The following CDH9 variants were observed in gnomAD, a reference collection of about 807,000 sequenced individuals.
The protein encoded by CDH9 is cadherin 9.
A neutral mutation model predicts 70.9 loss-of-function variants in CDH9; 28 were observed. The observed-to-expected ratio is 0.40, with a 90% CI of 0.29 to 0.54. The LOEUF (loss-of-function observed/expected upper bound fraction) is 0.54. Ranked by LOEUF, CDH9 falls within the 20% of genes least tolerant of loss-of-function variation. CDH9 has a pLI of 0.59. For missense variants in CDH9, 874 were observed against 984.4 expected, an observed-to-expected ratio of 0.89 and a Z score of 1.50; for synonymous variants, 409 against 343.1, an observed-to-expected ratio of 1.19 and a Z score of -2.12.
At position 26,947,093 on chromosome 5, in the gene CDH9, T is replaced by G. The variant is rs1042868130; in HGVS notation, c.229-31169A>C. Reference sequence around the variant, plus strand: ...TGACTTTACTTTTTTCACAGGAGTGTTTGACTATATCTGCCATTCAACCAG... The same window carrying G: ...TGACTTTACTTTTTTCACAGGAGTGGTTGACTATATCTGCCATTCAACCAG... On this transcript the variant is annotated intron_variant, in intron 2 of 11. Coordinates refer to ENST00000231021, the MANE Select transcript of CDH9 (RefSeq NM_016279.4). Among the ~76,000 whole-genome samples the G allele has an allele frequency of 2.0e-5, 3 of 152,290 alleles. 1 individual carries two copies. Among genetic ancestry groups the G allele is most frequent in the South Asian group, 4.1e-4 (2 of 4,824 alleles).
At chr5:26,964,938 C>A (rs1246344497) in intron 2 of CDH9, among the ~76,000 whole-genome samples, 2 of 152,050 alleles carry the variant, frequency 1.3e-5, no homozygotes, top group Non-Finnish European at 2.9e-5. Context: ...TTTCTATATA[C>A]TGTTATACTT....
rs1460673875 is a variant in CDH9 at position 26,890,549 on chromosome 5, C to T, written c.1269G>A (p.Arg423=). 4 of 1,605,944 alleles carry T rather than the reference C, an allele frequency of 2.5e-6. No individual in the cohort carries two copies. The highest frequency in any genetic ancestry group is 2.7e-5 in the African/African-American group (2 of 74,886). Residue 423 remains arginine (R), a synonymous_variant, in exon 8 of 12, where the codon CGG becomes CGA. Coordinates refer to ENST00000231021, the MANE Select transcript of CDH9 (RefSeq NM_016279.4). The part of the protein sequence containing the change: ...RNNLIKYSVD[R]HTDMDRIFGI... ...CAAAAATACGGTCCATATCAGTATG[C>T]CGATCAACAGAGTACCTGGCAGAAG...
chr5:26,984,455 A>G (rs2112087751), intron 2 of CDH9, among the ~76,000 whole-genome samples: 1 of 152,256 alleles, frequency 6.6e-6, no homozygotes, highest in African/African-American at 2.4e-5. Context: ...CATAAAATAA[A>G]TGTGGTTTAA....
chr5:26,919,901 A>G, intron 2 of CDH9, among the ~76,000 whole-genome samples: 1 of 152,090 alleles, frequency 6.6e-6, no homozygotes, highest in African/African-American at 2.4e-5. Context: ...GGCAAGCAAC[A>G]CTTGCTGTGG....
At chr5:27,023,814 G>A (rs1055810722) in intron 1 of CDH9, among the ~76,000 whole-genome samples, 2 of 152,026 alleles carry the variant, frequency 1.3e-5, no homozygotes, top group Admixed American at 6.6e-5. Context: ...CACTTTGGGA[G>A]GCTGAGGCCA....
intron 1 of CDH9, among the ~76,000 whole-genome samples, chr5:26,997,303 A>G (rs1742683287): frequency 6.6e-6 from 1 of 151,914 alleles, no homozygotes; most frequent in African/African-American, 2.4e-5. Flanking sequence ...ATATATGTCC[A>G]CTTTCAATTT....
At position 26,890,260 on chromosome 5, in the gene CDH9, T is replaced by G. The variant is rs1426951710; in HGVS notation, c.1390+168A>C. On this transcript the variant is annotated intron_variant, in intron 8 of 11. Coordinates refer to ENST00000231021, the MANE Select transcript of CDH9 (RefSeq NM_016279.4). ...AAAATCAAATTTGAAATGAATGATTTGATAATCCTTAAAAATAATTTAAAA... is the reference window on the plus strand; with the variant it reads ...AAAATCAAATTTGAAATGAATGATTGGATAATCCTTAAAAATAATTTAAAA... Among the ~76,000 whole-genome samples, 3 of 152,338 alleles carry G rather than the reference T, an allele frequency of 2.0e-5. No individual in the cohort carries two copies. In the East Asian group the frequency reaches 5.8e-4, roughly 29 times the overall value.
chr5:26,928,428 TAC>T (rs1270376796), intron 2 of CDH9, among the ~76,000 whole-genome samples: 1 of 152,050 alleles, frequency 6.6e-6, no homozygotes, highest in African/African-American at 2.4e-5. Flanking sequence ...CTCAAAGCAA[TAC>T]ACAGAGTCAA....
chr5:27,006,435 A>C (rs1742866670), intron 1 of CDH9, among the ~76,000 whole-genome samples: 1 of 151,964 alleles, frequency 6.6e-6, no homozygotes, highest in Non-Finnish European at 1.5e-5. Context: ...GTAGGAGGAG[A>C]GGAGTTCTAT....
At chr5:26,949,888 G>T (rs970005442) in intron 2 of CDH9, among the ~76,000 whole-genome samples, 2 of 152,078 alleles carry the variant, frequency 1.3e-5, no homozygotes, top group African/African-American at 4.8e-5. Context: ...TCTCAAAAAT[G>T]GTGGAAAACA....
chr5:26,942,024 T>C (rs1235256408), intron 2 of CDH9, among the ~76,000 whole-genome samples: 1 of 152,136 alleles, frequency 6.6e-6, no homozygotes, highest in East Asian at 1.9e-4. Flanking sequence ...GATAACCTCT[T>C]CATGTTGCTT....
intron 7 of CDH9, among the ~76,000 whole-genome samples, chr5:26,896,590 AGGCAG>A (rs1740755841): frequency 6.6e-6 from 1 of 151,570 alleles, no homozygotes; most frequent in Non-Finnish European, 1.5e-5. Context: ...AATGAAATGA[AGGCAG>A]AAATAAATAA....
intron 3 of CDH9, among the ~76,000 whole-genome samples, chr5:26,915,068 CAT>C (rs1320796852): frequency 6.6e-6 from 1 of 151,946 alleles, no homozygotes; most frequent in African/African-American, 2.4e-5. Context: ...ACAAAAATAA[CAT>C]AAAGAGACTT....
chr5:26,889,718 G>T, intron 9 of CDH9, 118 bp downstream of exon 9: 1 of 587,878 alleles, frequency 1.7e-6, no homozygotes, highest in Non-Finnish European at 2.9e-6. Context: ...ATAAATGGTG[G>T]ACAAGAAGTA....
intron 1 of CDH9, among the ~76,000 whole-genome samples, chr5:27,009,017 T>A (rs1742913164): frequency 6.6e-6 from 1 of 152,118 alleles, no homozygotes; most frequent in Admixed American, 6.6e-5. Flanking sequence ...ATCTTACCAC[T>A]CACTTAGAAG....
At chr5:27,026,933 T>C (rs1743230050) in intron 1 of CDH9, among the ~76,000 whole-genome samples, 1 of 151,962 alleles carries the variant, frequency 6.6e-6, no homozygotes, top group Admixed American at 6.6e-5. Context: ...CTTTCATAAG[T>C]TGTAGTCATT....
At chr5:26,921,054 T>C (rs569701670) in intron 2 of CDH9, among the ~76,000 whole-genome samples, 1 of 152,276 alleles carries the variant, frequency 6.6e-6, no homozygotes, top group Non-Finnish European at 1.5e-5. Context: ...AAGACAGAGC[T>C]ATCTGACCTT....
At chr5:26,907,642 A>G (rs1740973210) in intron 3 of CDH9, among the ~76,000 whole-genome samples, 1 of 152,118 alleles carries the variant, frequency 6.6e-6, no homozygotes, top group African/African-American at 2.4e-5. Flanking sequence ...AAAAGCAGGG[A>G]TCAGCATAAT....
intron 3 of CDH9, among the ~76,000 whole-genome samples, chr5:26,912,563 C>A (rs189405479): frequency 2.7e-5 from 4 of 150,838 alleles, no homozygotes; most frequent in Admixed American, 2.0e-4. Context: ...GGGGTTTTAT[C>A]CCCTTATATT....
Sources: gnomAD v4.1 joint callset for allele counts (sites outside exome capture counted in the v4.1 genomes callset) on GRCh38, gnomAD v4.1.1 for gene constraint, MANE v1.5 for transcripts, NCBI Gene and HGNC (gene_info 2026-07-23, HGNC 2026-07-21) for gene names.